The following TIMD4 variants were observed in gnomAD, a reference collection of about 807,000 sequenced individuals.
TIMD4 encodes the protein T-cell immunoglobulin and mucin domain-containing protein 4.
Under a neutral mutation model 41.2 loss-of-function variants are expected in TIMD4, and 31 were observed. That is an observed-to-expected ratio of 0.75 (90% CI 0.57 to 1.01). The LOEUF is 1.01. Ranked by LOEUF, TIMD4 falls within the 50% of genes least tolerant of loss-of-function variation. The pLI is 0.00. For missense variants in TIMD4, 479 were observed against 472.5 expected (o/e 1.01, Z -0.13); for synonymous variants, 204 against 177.1 (o/e 1.15, Z -1.21).
At chr5:156,939,271 T>C (rs1460980363) in intron 5 of TIMD4, among the ~76,000 whole-genome samples, 1 of 152,154 alleles carries the variant, frequency 6.6e-6, no homozygotes, top group Admixed American at 6.5e-5. Context: ...GACCTTATAA[T>C]AGAATCTGCC....
chr5:156,953,653 CAAAA>C (rs35165963), intron 2 of TIMD4, among the ~76,000 whole-genome samples: 7 of 58,494 alleles, frequency 1.2e-4, no homozygotes, highest in Non-Finnish European at 2.2e-4. Context: ...AAACTCTGTC[CAAAA>C]AAAAAAAAAA....
intron 1 of TIMD4, among the ~76,000 whole-genome samples, chr5:156,958,205 G>A (rs1472773131): frequency 6.6e-6 from 1 of 152,052 alleles, no homozygotes; most frequent in African/African-American, 2.4e-5. Context: ...CCGGGAGGCA[G>A]AGGTTGCAGT....
intron 5 of TIMD4, among the ~76,000 whole-genome samples, chr5:156,938,469 G>A (rs903381272): frequency 6.6e-6 from 1 of 152,076 alleles, no homozygotes; most frequent in Non-Finnish European, 1.5e-5. Flanking sequence ...GGAATTCATG[G>A]ATTAGATAAT....
chr5:156,920,401 T>G, intron 8 of TIMD4, 63 bp downstream of exon 8: 6 of 1,533,282 alleles, frequency 3.9e-6, no homozygotes, highest in Non-Finnish European at 3.6e-6. Flanking sequence ...CACTGAGTAG[T>G]AGCTAATCAT....
chr5:156,957,512 C>CAAAAAGAAAA (rs1759993061), intron 1 of TIMD4, among the ~76,000 whole-genome samples: 1 of 113,868 alleles, frequency 8.8e-6, no homozygotes, highest in Non-Finnish European at 1.8e-5. Context: ...GAGTCTATCT[C>CAAAAAGAAAA]AAAAAAAAAA....
chr5:156,953,669 AAAAAAAGAG>A (rs1256830088), intron 2 of TIMD4, among the ~76,000 whole-genome samples: 186 of 150,482 alleles, frequency 1.2e-3, no homozygotes, highest in African/African-American at 4.3e-3. Flanking sequence ...AAAAAAAAAA[AAAAAAAGAG>A]AGAGAGAGAG....
At chr5:156,938,638 C>T (rs1363207256) in intron 5 of TIMD4, among the ~76,000 whole-genome samples, 1 of 152,174 alleles carries the variant, frequency 6.6e-6, no homozygotes, top group Non-Finnish European at 1.5e-5. Flanking sequence ...TGACTGCATC[C>T]TCCTATGCCA....
At chr5:156,940,026 G>A (rs1759611205) in intron 5 of TIMD4, among the ~76,000 whole-genome samples, 1 of 152,252 alleles carries the variant, frequency 6.6e-6, no homozygotes, top group Non-Finnish European at 1.5e-5. Flanking sequence ...GGACTGTACT[G>A]CCGCGATCTC....
chr5:156,951,402 G>T (rs981041231), intron 3 of TIMD4, 110 bp downstream of exon 3: 3 of 1,340,332 alleles, frequency 2.2e-6, no homozygotes, highest in Non-Finnish European at 3.1e-6. Context: ...ACTAATATAC[G>T]CATGTGTACA....
At chr5:156,935,226 A>C (rs960427316) in intron 5 of TIMD4, among the ~76,000 whole-genome samples, 1 of 151,876 alleles carries the variant, frequency 6.6e-6, no homozygotes, top group African/African-American at 2.4e-5. Flanking sequence ...AAATCTAGAG[A>C]GAAAAGTTCA....
At chr5:156,929,890 A>G (rs1382386566) in intron 5 of TIMD4, among the ~76,000 whole-genome samples, 3 of 152,230 alleles carry the variant, frequency 2.0e-5, no homozygotes, top group Non-Finnish European at 2.9e-5. Context: ...AAGAAGACTA[A>G]ATCCAACGAA....
chr5:156,923,143 ATT>A (rs375276732), intron 6 of TIMD4, among the ~76,000 whole-genome samples: 32 of 135,014 alleles, frequency 2.4e-4, no homozygotes, highest in South Asian at 2.4e-4. Context: ...CTGGGATTAA[ATT>A]TTTTTTTTTT....
chr5:156,922,074 C>A (rs768280453), intron 7 of TIMD4, 25 bp downstream of exon 7: 1 of 1,591,566 alleles, frequency 6.3e-7, no homozygotes, highest in East Asian at 2.2e-5. Context: ...CTGAAGTGCT[C>A]CATCACCTGG....
chr5:156,939,153 G>A (rs907510712), intron 5 of TIMD4, among the ~76,000 whole-genome samples: 27 of 152,188 alleles, frequency 1.8e-4, no homozygotes, highest in Non-Finnish European at 7.3e-5. Flanking sequence ...AATGAGGCAA[G>A]ACAATAAAGT....
intron 5 of TIMD4, among the ~76,000 whole-genome samples, chr5:156,938,817 T>C (rs1759586398): frequency 1.3e-5 from 2 of 152,198 alleles, no homozygotes; most frequent in South Asian, 4.1e-4. Flanking sequence ...ATGGTGACCC[T>C]GCTGCAGTAC....
At chr5:156,953,405 C>A (rs1200343268) in intron 2 of TIMD4, among the ~76,000 whole-genome samples, 2 of 151,982 alleles carry the variant, frequency 1.3e-5, no homozygotes, top group African/African-American at 2.4e-5. Flanking sequence ...CTTGTAATCC[C>A]AGCACTTTGG....
chr5:156,927,495 T>C lies in TIMD4; in HGVS notation c.845-1183A>G, dbSNP rs193136262. Among the ~76,000 whole-genome samples, 179 of 152,292 alleles carry C rather than the reference T, an allele frequency of 1.2e-3. 1 individual carries two copies. The highest frequency in any genetic ancestry group is 2.3e-3 in the Admixed American group (35 of 15,292). On this transcript the variant is annotated intron_variant, in intron 5 of 8. Transcript: ENST00000274532. Reference sequence around the variant, plus strand: ...ATCAGGGAAGGCCTTTGTTTCCTGATGGTAAGTCTCCATTGGATTCTGTAG... The same window carrying C: ...ATCAGGGAAGGCCTTTGTTTCCTGACGGTAAGTCTCCATTGGATTCTGTAG...
At chr5:156,935,182 C>CTT (rs61559039) in intron 5 of TIMD4, among the ~76,000 whole-genome samples, 3 of 144,486 alleles carry the variant, frequency 2.1e-5, no homozygotes, top group African/African-American at 7.6e-5. Context: ...CCTCCAATTT[C>CTT]TTTTTTTTTT....
chr5:156,926,938 G>C (rs1241909134), intron 5 of TIMD4, among the ~76,000 whole-genome samples: 2 of 152,134 alleles, frequency 1.3e-5, no homozygotes, highest in Admixed American at 6.5e-5. Context: ...AGTTACAAGG[G>C]AACCATACTG....
Sources: gnomAD v4.1 joint callset for allele counts (sites outside exome capture counted in the v4.1 genomes callset) on GRCh38, gnomAD v4.1.1 for gene constraint, MANE v1.5 for transcripts, NCBI Gene and HGNC (gene_info 2026-07-23, HGNC 2026-07-21) for gene names.